Variants in HSD17B7 observed in about 807,000 individuals in gnomAD.
The protein encoded by HSD17B7 is hydroxysteroid 17-beta dehydrogenase 7.
HSD17B7 carries 17 observed loss-of-function variants against 34.1 expected under a neutral mutation model. That is an observed-to-expected ratio of 0.50 (90% CI 0.34 to 0.75). The LOEUF (loss-of-function observed/expected upper bound fraction) is 0.75, where lower values mean the gene tolerates loss of function less well. Among genes scored for constraint, HSD17B7 ranks in the 30% least tolerant of loss-of-function variants. The pLI, the probability that HSD17B7 is intolerant of heterozygous loss-of-function variation, is 0.01. For missense variants in HSD17B7, 296 were observed against 406.6 expected (o/e 0.73, Z 2.34); for synonymous variants, 122 against 154.6 (o/e 0.79, Z 1.56).
At chr1:162,804,806 G>A (rs1011763140) in intron 7 of HSD17B7, among the ~76,000 whole-genome samples, 2 of 152,182 alleles carry the variant, frequency 1.3e-5, no homozygotes, top group African/African-American at 4.8e-5. Flanking sequence ...AATCACACGT[G>A]GCAAATGGGT....
At chr1:162,799,311 G>A (rs1204691661) in intron 4 of HSD17B7, among the ~76,000 whole-genome samples, 1 of 152,022 alleles carries the variant, frequency 6.6e-6, no homozygotes, top group Non-Finnish European at 1.5e-5. Flanking sequence ...CCATTGTTAT[G>A]GTTTTCTCTT....
Position 162,805,430 on chromosome 1 carries a change from C to A in HSD17B7, c.841C>A (p.Pro281Thr). The A allele has an allele frequency of 6.2e-7, 1 of 1,613,192 alleles. No homozygotes were observed. The highest frequency in any genetic ancestry group is 8.5e-7 in the Non-Finnish European group (1 of 1,179,404). The change falls in exon 8 of 9, where the codon CCT (proline) becomes ACT (threonine). Residue 281 changes from proline (P) to threonine (T), a missense_variant. By Grantham distance (38) the Pro-to-Thr change is conservative. Coordinates refer to ENST00000254521, the MANE Select transcript of HSD17B7 (RefSeq NM_016371.4). ...CCACCAAAAGCCTGAATCTCTCAAT[C>A]CTCTGATCAAATATCTGAGTGCCAC... ...LFHQKPESLN[P>T]LIKYLSATTG...
chr1:162,799,909 T>A lies in HSD17B7; in HGVS notation c.614T>A (p.Val205Glu), dbSNP rs1209232726. The change falls in exon 5 of 9, where the codon GTG becomes GAG. Residue 205 changes from valine to glutamate, a missense_variant. Transcript: ENST00000254521. ...SSKYATDLLS[V>E]ALNRNFNQQG... ...AAATATGCCACTGACCTTTTGAGTGTGGCTTTGAACAGGAACTTCAACCAG... is the reference window on the plus strand; with the variant it reads ...AAATATGCCACTGACCTTTTGAGTGAGGCTTTGAACAGGAACTTCAACCAG... The A allele has an allele frequency of 6.2e-7, 1 of 1,613,988 alleles. No individual in the cohort carries two copies. The highest frequency in any genetic ancestry group is 1.3e-5 in the African/African-American group (1 of 74,934).
At chr1:162,795,026 G>A (rs935471564) in intron 2 of HSD17B7, among the ~76,000 whole-genome samples, 9 of 152,138 alleles carry the variant, frequency 5.9e-5, no homozygotes, top group East Asian at 3.9e-4. Flanking sequence ...TATTTAGTCC[G>A]CAAAACAGCC....
At chr1:162,810,082 C>A (rs1238136299) in intron 8 of HSD17B7, among the ~76,000 whole-genome samples, 1 of 152,128 alleles carries the variant, frequency 6.6e-6, no homozygotes, top group Non-Finnish European at 1.5e-5. Flanking sequence ...CTCTTGTGGG[C>A]TTTTAGTGCT....
chr1:162,792,467 T>C (rs1483672553), intron 1 of HSD17B7, 192 bp from the exon 2 acceptor site: 1 of 703,100 alleles, frequency 1.4e-6, no homozygotes, highest in African/African-American at 1.8e-5. Flanking sequence ...AAACACAAAC[T>C]AGGCTGTGTC....
At chr1:162,802,540 A>G (rs1648846927) in intron 5 of HSD17B7, among the ~76,000 whole-genome samples, 1 of 152,124 alleles carries the variant, frequency 6.6e-6, no homozygotes, top group South Asian at 2.1e-4. Context: ...TAAAGGATGA[A>G]AAGCCTCCAG....
intron 4 of HSD17B7, 21 bp downstream of exon 4, chr1:162,797,937 A>G: frequency 6.2e-7 from 1 of 1,612,442 alleles, no homozygotes; most frequent in Non-Finnish European, 8.5e-7. Flanking sequence ...TGTGGGCTTA[A>G]TAAGCTAATA....
chr1:162,803,699 A>G (rs760542243), intron 6 of HSD17B7, among the ~76,000 whole-genome samples, 164 bp downstream of exon 6: 1 of 152,244 alleles, frequency 6.6e-6, no homozygotes, highest in Admixed American at 6.5e-5. Flanking sequence ...TAATATTTCT[A>G]AGTGTTACTG....
chr1:162,798,738 C>G (rs4038263), intron 4 of HSD17B7: 14,872 of 155,422 alleles, frequency 0.096, 1,846 homozygotes, highest in African/African-American at 0.29. Context: ...GCTCCTGCCT[C>G]TAATCCCAGC....
intron 8 of HSD17B7, among the ~76,000 whole-genome samples, chr1:162,809,508 C>CT (rs1054327238): frequency 4.6e-5 from 7 of 151,998 alleles, no homozygotes; most frequent in African/African-American, 1.7e-4. Context: ...AGGATTCCCT[C>CT]TTTTTCTATT....
At chr1:162,794,294 A>T (rs2457595) in intron 2 of HSD17B7, among the ~76,000 whole-genome samples, 2 of 152,180 alleles carry the variant, frequency 1.3e-5, no homozygotes, top group Admixed American at 6.5e-5. Context: ...AAAATACTTC[A>T]CATTTTATGT....
intron 8 of HSD17B7, among the ~76,000 whole-genome samples, chr1:162,809,297 C>G (rs1322670760): frequency 6.6e-6 from 1 of 152,140 alleles, no homozygotes; most frequent in Non-Finnish European, 1.5e-5. Flanking sequence ...GTTGAATCAG[C>G]CTTGCATCCC....
intron 8 of HSD17B7, among the ~76,000 whole-genome samples, chr1:162,811,424 C>T (rs1219725021): frequency 6.6e-6 from 1 of 152,054 alleles, no homozygotes; most frequent in East Asian, 1.9e-4. Flanking sequence ...AATTTTTAGC[C>T]TTTCAATTTT....
At position 162,812,377 on chromosome 1, in the gene HSD17B7, A is replaced by G. The variant is rs1571014005; in HGVS notation, c.983A>G (p.Gln328Arg). 1 of 1,609,790 alleles carries G rather than the reference A, an allele frequency of 6.2e-7. No individual in the cohort carries two copies. The highest frequency in any genetic ancestry group is 2.2e-5 in the East Asian group (1 of 44,792). Residue 328 changes from glutamine (Q) to arginine (R), a missense_variant, in exon 9 of 9, where the codon CAA becomes CGA. By Grantham distance (43) the Gln-to-Arg change is conservative (BLOSUM62 1). Coordinates refer to ENST00000254521, the MANE Select transcript of HSD17B7 (RefSeq NM_016371.4). The stretch of plus-strand genomic sequence containing the variant: ...GAAAAGCACATTAGGGTCACTATTC[A>G]AAAAACAGATAATCAGGCCAGGCTC... ...ELEKHIRVTI[Q>R]KTDNQARLSG...
intron 5 of HSD17B7, among the ~76,000 whole-genome samples, chr1:162,800,951 TG>T (rs1450467866): frequency 6.6e-6 from 1 of 152,170 alleles, no homozygotes; most frequent in Admixed American, 6.5e-5. Context: ...CTTTATCAGG[TG>T]GTATTCTGTG....
chr1:162,796,789 T>C lies in HSD17B7; in HGVS notation c.332+112T>C, dbSNP rs1000153960. 8 of 721,386 alleles carry C rather than the reference T, an allele frequency of 1.1e-5. No homozygotes were observed. In the African/African-American group the frequency reaches 1.4e-4, roughly 13 times the overall value. The allele number at this position is 721,386 out of a possible 1,614,324, so 44.7% of individuals were successfully genotyped here. On this transcript the variant is annotated intron_variant, in intron 3 of 8. Coordinates refer to ENST00000254521, the MANE Select transcript of HSD17B7 (RefSeq NM_016371.4). The stretch of plus-strand genomic sequence containing the variant: ...GAAAGGTAAGGGGTTGTTGAAAAGG[T>C]TGAAGACAGAAAAAGGAGATGTCGC...
At chr1:162,807,772 C>T (rs956923733) in intron 8 of HSD17B7, among the ~76,000 whole-genome samples, 3 of 152,132 alleles carry the variant, frequency 2.0e-5, no homozygotes, top group Non-Finnish European at 2.9e-5. Context: ...TAAATGTCTT[C>T]TTTTGAGAAG....
At chr1:162,811,166 T>G (rs970402270) in intron 8 of HSD17B7, among the ~76,000 whole-genome samples, 8 of 152,198 alleles carry the variant, frequency 5.3e-5, no homozygotes, top group African/African-American at 7.2e-5. Context: ...TCTCTCAGCA[T>G]TTGCTTGTCT....
Sources: gnomAD v4.1 joint callset for allele counts (sites outside exome capture counted in the v4.1 genomes callset) on GRCh38, gnomAD v4.1.1 for gene constraint, MANE v1.5 for transcripts, NCBI Gene and HGNC (gene_info 2026-07-23, HGNC 2026-07-21) for gene names.